The following SPATA6L variants were observed in gnomAD, a reference collection of about 807,000 sequenced individuals.
The protein encoded by SPATA6L is spermatogenesis associated 6 like, also known as spermatogenesis associated 6-like protein.
In SPATA6L, 68 loss-of-function variants were observed where a neutral mutation model predicts 49.2. That is an observed-to-expected ratio of 1.38 (90% CI 1.14 to 1.69). SPATA6L has a LOEUF of 1.69. Ranked by LOEUF, SPATA6L falls within the 40% of genes most tolerant of loss-of-function variation. SPATA6L has a pLI of 0.00. For missense variants in SPATA6L, 668 were observed against 464.3 expected, an observed-to-expected ratio of 1.44 and a Z score of -4.03; for synonymous variants, 198 against 165.7, an observed-to-expected ratio of 1.19 and a Z score of -1.50.
At chr9:4,613,181 T>C (rs761292481) in intron 9 of SPATA6L, among the ~76,000 whole-genome samples, 35 of 150,732 alleles carry the variant, frequency 2.3e-4, no homozygotes, top group Non-Finnish European at 3.8e-4. Flanking sequence ...TGAGCTGAGA[T>C]GGGGCCACTG....
rs1286692521 is a variant in SPATA6L, at chr9:4,618,845, A to G, written c.807+19T>C. Reference sequence around the variant, plus strand: ...TATCTGGAAGTAAATCATTTTACAAATTCTACTTCTAAAATTACCTTTACG... The same window carrying G: ...TATCTGGAAGTAAATCATTTTACAAGTTCTACTTCTAAAATTACCTTTACG... On this transcript the variant is annotated intron_variant, in intron 8 of 11. Transcript: ENST00000682582. 2 of 1,606,500 alleles carry G rather than the reference A, an allele frequency of 1.2e-6. No homozygotes were observed. Among genetic ancestry groups the G allele is most frequent in the African/African-American group, 2.7e-5 (2 of 74,642 alleles).
intron 3 of SPATA6L, among the ~76,000 whole-genome samples, chr9:4,644,797 G>C (rs1564279056): frequency 6.6e-6 from 1 of 152,060 alleles, no homozygotes; most frequent in Admixed American, 6.6e-5. Flanking sequence ...GTGCCACTGG[G>C]TGGCAGGTCC....
intron 6 of SPATA6L, among the ~76,000 whole-genome samples, chr9:4,623,632 A>C (rs1829809633): frequency 6.6e-6 from 1 of 152,210 alleles, no homozygotes; most frequent in Admixed American, 6.5e-5. Context: ...AAATAAAAAA[A>C]TTAAATATGT....
chr9:4,609,893 A>G (rs1480871333), intron 9 of SPATA6L, among the ~76,000 whole-genome samples: 3 of 152,060 alleles, frequency 2.0e-5, no homozygotes, highest in Non-Finnish European at 4.4e-5. Flanking sequence ...GTGTGCAGAA[A>G]ACCCCATTGT....
intron 3 of SPATA6L, among the ~76,000 whole-genome samples, chr9:4,654,774 G>C (rs6476883): frequency 6.6e-6 from 1 of 151,866 alleles, no homozygotes; most frequent in Non-Finnish European, 1.5e-5. Flanking sequence ...ATGTCCAGCC[G>C]CTTCTGTCTC....
intron 3 of SPATA6L, among the ~76,000 whole-genome samples, chr9:4,652,905 A>C (rs1472811205): frequency 6.6e-6 from 1 of 151,930 alleles, no homozygotes; most frequent in East Asian, 1.9e-4. Context: ...AACACATCCC[A>C]CATTCATGTT....
At chr9:4,607,683 C>G (rs1209716557) in intron 9 of SPATA6L, among the ~76,000 whole-genome samples, 9 of 152,216 alleles carry the variant, frequency 5.9e-5, no homozygotes, top group Non-Finnish European at 1.2e-4. Context: ...CCAGCCGCTG[C>G]AAAATCATGC....
intron 3 of SPATA6L, among the ~76,000 whole-genome samples, chr9:4,652,964 A>G (rs1403996883): frequency 2.0e-5 from 3 of 152,208 alleles, no homozygotes; most frequent in Admixed American, 2.0e-4. Flanking sequence ...ATCTACAGTC[A>G]ATGGAATCCC....
At chr9:4,663,353 T>C (rs1840326841) in intron 1 of SPATA6L, 1 of 1,359,910 alleles carries the variant, frequency 7.4e-7, no homozygotes, top group Non-Finnish European at 1.0e-6. Flanking sequence ...CGCTTGTCCC[T>C]CTTAGGCATT....
chr9:4,606,308 G>GGCCT (rs1347563317), intron 9 of SPATA6L, among the ~76,000 whole-genome samples: 2 of 143,420 alleles, frequency 1.4e-5, no homozygotes, highest in South Asian at 2.3e-4. Context: ...AGCTCAAGGA[G>GGCCT]GCCTGCCTGC....
At chr9:4,644,308 C>T (rs1834787811) in intron 3 of SPATA6L, among the ~76,000 whole-genome samples, 2 of 150,006 alleles carry the variant, frequency 1.3e-5, no homozygotes, top group Admixed American at 6.7e-5. Context: ...CATACCACTG[C>T]ATTCAGTCTG....
At chr9:4,661,489 G>T (rs1427067410) in intron 2 of SPATA6L, among the ~76,000 whole-genome samples, 3 of 150,536 alleles carry the variant, frequency 2.0e-5, no homozygotes, top group African/African-American at 7.4e-5. Context: ...TTTAGTTACA[G>T]GATTTAACTA....
chr9:4,652,841 CAAAAAA>C (rs79392745), intron 3 of SPATA6L, among the ~76,000 whole-genome samples: 1 of 56,554 alleles, frequency 1.8e-5, no homozygotes. Context: ...AATTCCGTCC[CAAAAAA>C]AAAAAAAAAA....
chr9:4,636,105 A>C (rs1187851170), intron 3 of SPATA6L, among the ~76,000 whole-genome samples: 1 of 142,992 alleles, frequency 7.0e-6, no homozygotes, highest in African/African-American at 2.8e-5. Flanking sequence ...GCATGTAAAC[A>C]CAAAGCCTTT....
chr9:4,613,045 T>C (rs1721107198), intron 9 of SPATA6L, among the ~76,000 whole-genome samples: 1 of 151,930 alleles, frequency 6.6e-6, no homozygotes, highest in South Asian at 2.1e-4. Flanking sequence ...CTGGCTAAAG[T>C]AGTGAAACCC....
At chr9:4,608,885 A>T (rs1825975941) in intron 9 of SPATA6L, among the ~76,000 whole-genome samples, 1 of 152,116 alleles carries the variant, frequency 6.6e-6, no homozygotes, top group Non-Finnish European at 1.5e-5. Context: ...TCAACAAAAT[A>T]GATAGACCAC....
At chr9:4,611,883 A>G (rs138150436) in intron 9 of SPATA6L, among the ~76,000 whole-genome samples, 1 of 152,118 alleles carries the variant, frequency 6.6e-6, no homozygotes, top group Non-Finnish European at 1.5e-5. Context: ...AGAGATTATC[A>G]CCCAGGCTAA....
At chr9:4,651,000 C>T (rs970012755) in intron 3 of SPATA6L, among the ~76,000 whole-genome samples, 4 of 151,930 alleles carry the variant, frequency 2.6e-5, no homozygotes, top group Admixed American at 6.6e-5. Flanking sequence ...CCGTGCCCGG[C>T]GTAGAAATAA....
chr9:4,609,062 C>A (rs893518959), intron 9 of SPATA6L, among the ~76,000 whole-genome samples: 1 of 150,774 alleles, frequency 6.6e-6, no homozygotes. Context: ...TGGATAAATT[C>A]CTCGACACAT....
Sources: gnomAD v4.1 joint callset for allele counts (sites outside exome capture counted in the v4.1 genomes callset) on GRCh38, gnomAD v4.1.1 for gene constraint, MANE v1.5 for transcripts, NCBI Gene and HGNC (gene_info 2026-07-23, HGNC 2026-07-21) for gene names.